The following GRHL2 variants were observed in gnomAD, a reference collection of about 807,000 sequenced individuals.
GRHL2 encodes the protein grainyhead-like protein 2 homolog.
A neutral mutation model predicts 83.8 loss-of-function variants in GRHL2; 21 were observed. The observed-to-expected ratio is 0.25, with a 90% CI of 0.18 to 0.36. The LOEUF (loss-of-function observed/expected upper bound fraction) is 0.36, where lower values mean the gene tolerates loss of function less well. Ranked by LOEUF, GRHL2 falls within the 10% of genes least tolerant of loss-of-function variation. GRHL2 has a pLI of 1.00. For missense variants in GRHL2, 623 were observed against 781.8 expected (o/e 0.80, Z 2.42); for synonymous variants, 280 against 278.9 (o/e 1.00, Z -0.04).
At chr8:101,620,063 T>C (rs550155560) in intron 9 of GRHL2, among the ~76,000 whole-genome samples, 5 of 152,280 alleles carry the variant, frequency 3.3e-5, no homozygotes, top group Non-Finnish European at 7.3e-5. Context: ...CTAATTTGGA[T>C]CTTAGTGAGG....
chr8:101,631,666 G>C lies in GRHL2; in HGVS notation c.1287G>C (p.Glu429Asp). 1 of 1,613,712 alleles carries C rather than the reference G, an allele frequency of 6.2e-7. No individual in the cohort carries two copies. The highest frequency in any genetic ancestry group is 8.5e-7 in the Non-Finnish European group (1 of 1,179,752). The change falls in exon 10 of 16, where the codon GAG (glutamate) becomes GAC (aspartate). Residue 429 changes from glutamate (E) to aspartate (D), a missense_variant. By Grantham distance (45) the Glu-to-Asp change is conservative (BLOSUM62 2). This residue lies in a region of GRHL2 where 210 missense variants were observed against 254.8 expected (regional missense o/e 0.82). Transcript: ENST00000646743. The part of the protein sequence containing the change: ...KGAERKIRDE[E>D]RKQNRKKGKG... ...CAGAAAGAAAAATCCGAGATGAAGAGCGGAAGCAGAACAGGAAGAAAGGGA... is the reference window on the plus strand; with the variant it reads ...CAGAAAGAAAAATCCGAGATGAAGACCGGAAGCAGAACAGGAAGAAAGGGA...
At chr8:101,617,686 G>A (rs956120257) in intron 8 of GRHL2, among the ~76,000 whole-genome samples, 1 of 152,070 alleles carries the variant, frequency 6.6e-6, no homozygotes, top group Non-Finnish European at 1.5e-5. Context: ...TAAACTTTTT[G>A]TAGAGATGGG....
At chr8:101,608,590 C>T (rs1415100344) in intron 8 of GRHL2, among the ~76,000 whole-genome samples, 2 of 142,878 alleles carry the variant, frequency 1.4e-5, no homozygotes, top group South Asian at 4.2e-4. Context: ...AGAGAGGCAG[C>T]TCCATTTTTT....
rs745650257 is a variant in GRHL2, at chr8:101,492,754, G to A, written c.-16G>A. On this transcript the variant is annotated 5_prime_UTR_variant, in exon 1 of 16. Coordinates refer to ENST00000646743, the MANE Select transcript of GRHL2 (RefSeq NM_024915.4). ...TGAGGCTCCAGGAAAAGCGGAGCAA[G>A]TTCATTGGATCAAACATGTCACAAG... 27 of 1,613,370 alleles carry A rather than the reference G, an allele frequency of 1.7e-5. No individual in the cohort carries two copies. The East Asian group carries it at 5.6e-4, about 33-fold the overall frequency.
chr8:101,632,318 C>G lies in GRHL2; in HGVS notation c.1438C>G (p.Leu480Val). 1 of 1,614,042 alleles carries G rather than the reference C, an allele frequency of 6.2e-7. No homozygotes were observed. The highest frequency in any genetic ancestry group is 8.5e-7 in the Non-Finnish European group (1 of 1,179,938). The change falls in exon 11 of 16, where the codon CTC becomes GTC. Residue 480 changes from leucine (L) to valine (V), a missense_variant. Coordinates refer to ENST00000646743, the MANE Select transcript of GRHL2 (RefSeq NM_024915.4). ...TMPDLHSQPV[L>V]FIPDVHFANL... ...GCCTGATCTCCACTCACAGCCAGTT[C>G]TCTTCATACCTGATGTTCACTTTGC...
intron 1 of GRHL2, among the ~76,000 whole-genome samples, chr8:101,499,271 A>G (rs1232407521): frequency 1.3e-5 from 2 of 152,204 alleles, no homozygotes; most frequent in South Asian, 2.1e-4. Flanking sequence ...GTTCCTCTTT[A>G]TGGCTTATGG....
intron 4 of GRHL2, among the ~76,000 whole-genome samples, chr8:101,564,705 G>C (rs1811678306): frequency 1.3e-5 from 2 of 151,774 alleles, no homozygotes; most frequent in Admixed American, 6.6e-5. Flanking sequence ...CGAGCTGCTT[G>C]GGAGGCTGAG....
intron 15 of GRHL2, among the ~76,000 whole-genome samples, chr8:101,665,549 G>T (rs931841530): frequency 2.6e-5 from 4 of 152,138 alleles, no homozygotes; most frequent in African/African-American, 9.7e-5. Flanking sequence ...AATGTAGTAG[G>T]CTGGGTGTAT....
intron 7 of GRHL2, among the ~76,000 whole-genome samples, chr8:101,579,420 G>T (rs956984545): frequency 2.6e-5 from 4 of 152,114 alleles, no homozygotes; most frequent in Non-Finnish European, 5.9e-5. Context: ...CCTGCCTTCA[G>T]ACTTTTCTTT....
chr8:101,640,350 C>T (rs1234604651), intron 12 of GRHL2, among the ~76,000 whole-genome samples: 1 of 151,578 alleles, frequency 6.6e-6, no homozygotes, highest in Admixed American at 6.6e-5. Flanking sequence ...GTTAAGATTC[C>T]TATTCAGACC....
chr8:101,605,872 T>C (rs1423973469), intron 8 of GRHL2, among the ~76,000 whole-genome samples: 1 of 152,250 alleles, frequency 6.6e-6, no homozygotes, highest in African/African-American at 2.4e-5. Context: ...TCCATGCCTT[T>C]ACACATCTAT....
intron 11 of GRHL2, among the ~76,000 whole-genome samples, chr8:101,634,287 C>G (rs1257534075): frequency 6.6e-6 from 1 of 152,128 alleles, no homozygotes; most frequent in East Asian, 1.9e-4. Flanking sequence ...TCAGCTGTCC[C>G]TAGAACAACC....
chr8:101,557,224 CTT>C lies in GRHL2; in HGVS notation c.285-1178_285-1177del, dbSNP rs34785282. Among the ~76,000 whole-genome samples, 649 of 122,382 alleles carry C rather than the reference CTT, an allele frequency of 5.3e-3. 11 individuals carry two copies. The East Asian group carries it at 0.089, about 17-fold the overall frequency. The allele number at this position is 122,382 out of a possible 152,430, so 80.3% of individuals were successfully genotyped here. ...ATCACCCCTAACTGAATTAACAATACTTTTTTTTTTTTTTTTTTGAGACAGAG... is the reference window on the plus strand; with the variant it reads ...ATCACCCCTAACTGAATTAACAATACTTTTTTTTTTTTTTTTGAGACAGAG... On this transcript the variant is annotated intron_variant, in intron 3 of 15. Transcript: ENST00000646743.
intron 1 of GRHL2, among the ~76,000 whole-genome samples, chr8:101,506,615 T>C (rs1170961941): frequency 6.6e-6 from 1 of 152,204 alleles, no homozygotes; most frequent in Non-Finnish European, 1.5e-5. Flanking sequence ...TAATAAATCA[T>C]GTTTATATGT....
At chr8:101,528,952 A>G in intron 1 of GRHL2, 1 of 299,466 alleles carries the variant, frequency 3.3e-6, no homozygotes, top group South Asian at 3.0e-5. Flanking sequence ...CTTACTTTAC[A>G]AGCTCACGGG....
At chr8:101,582,481 G>A (rs938310767) in intron 7 of GRHL2, among the ~76,000 whole-genome samples, 1 of 152,136 alleles carries the variant, frequency 6.6e-6, no homozygotes, top group South Asian at 2.1e-4. Context: ...GAATTTTCTG[G>A]TCTCAAACTC....
chr8:101,608,902 G>C (rs1812690605), intron 8 of GRHL2, among the ~76,000 whole-genome samples: 1 of 150,214 alleles, frequency 6.7e-6, no homozygotes, highest in Non-Finnish European at 1.5e-5. Context: ...TAGACATAAG[G>C]AAGTTGGAAG....
intron 4 of GRHL2, among the ~76,000 whole-genome samples, chr8:101,564,816 A>AG (rs1811683332): frequency 6.6e-6 from 1 of 151,334 alleles, no homozygotes; most frequent in African/African-American, 2.4e-5. Flanking sequence ...TGTCTCCAAA[A>AG]AAAAAAAAAA....
chr8:101,592,690 C>T (rs761205049), intron 7 of GRHL2, among the ~76,000 whole-genome samples: 2 of 152,088 alleles, frequency 1.3e-5, no homozygotes, highest in Non-Finnish European at 2.9e-5. Context: ...CGAGAAGCAC[C>T]GTTATAGAAT....
Sources: allele counts gnomAD v4.1 joint callset (sites outside exome capture counted in the v4.1 genomes callset), GRCh38; gene constraint gnomAD v4.1.1; regional missense constraint gnomAD v4.1.1; transcripts MANE v1.5; gene names NCBI Gene and HGNC (gene_info 2026-07-23, HGNC 2026-07-21).